Variants in IL1RL2 observed in about 807,000 individuals in gnomAD.
The protein encoded by IL1RL2 is interleukin 1 receptor like 2.
In IL1RL2, 68 loss-of-function variants were observed where a neutral mutation model predicts 66.8. That is an observed-to-expected ratio of 1.02 (90% confidence interval 0.84 to 1.25). The LOEUF (loss-of-function observed/expected upper bound fraction) is 1.25, where lower values mean the gene tolerates loss of function less well. Ranked by LOEUF, IL1RL2 falls within the 50% of genes most tolerant of loss-of-function variation. IL1RL2 has a pLI of 0.00. For missense variants in IL1RL2, 729 were observed against 709.3 expected (o/e 1.03, Z -0.32); for synonymous variants, 305 against 264.6 (o/e 1.15, Z -1.48).
chr2:102,235,667 C>T (rs1338794587), intron 11 of IL1RL2: 11 of 985,188 alleles, frequency 1.1e-5, no homozygotes, highest in South Asian at 4.7e-5. Context: ...CCTGTGCTGT[C>T]GGGGGACCAC....
intron 5 of IL1RL2, among the ~76,000 whole-genome samples, chr2:102,206,151 G>C (rs943837322): frequency 2.6e-5 from 4 of 151,994 alleles, no homozygotes; most frequent in Admixed American, 2.6e-4. Flanking sequence ...CCTTTTCTAT[G>C]TTATCTTGAA....
intron 4 of IL1RL2, among the ~76,000 whole-genome samples, chr2:102,192,425 G>A (rs529655581): frequency 6.6e-5 from 10 of 152,040 alleles, no homozygotes; most frequent in African/African-American, 2.4e-4. Flanking sequence ...CATACTATGT[G>A]CACATGGTTC....
intron 6 of IL1RL2, among the ~76,000 whole-genome samples, chr2:102,214,767 G>T (rs1166466903): frequency 6.6e-6 from 1 of 152,124 alleles, no homozygotes; most frequent in African/African-American, 2.4e-5. Context: ...CCATTTCCTT[G>T]TAAGTATTAA....
At chr2:102,202,807 A>G (rs1688377999) in intron 5 of IL1RL2, among the ~76,000 whole-genome samples, 1 of 152,196 alleles carries the variant, frequency 6.6e-6, no homozygotes, top group South Asian at 2.1e-4. Context: ...CCCAAATATA[A>G]GATCATATCA....
intron 5 of IL1RL2, among the ~76,000 whole-genome samples, chr2:102,204,937 C>T (rs565215027): frequency 3.7e-4 from 56 of 151,828 alleles, no homozygotes; most frequent in Non-Finnish European, 5.9e-4. Context: ...TCCTTTCTTT[C>T]CTTCCTGTCT....
At chr2:102,187,142 A>G (rs1305679872) in intron 1 of IL1RL2, 56 bp downstream of exon 1, 1 of 1,277,778 alleles carries the variant, frequency 7.8e-7, no homozygotes, top group Non-Finnish European at 1.0e-6. Context: ...CCCTGACAGT[A>G]GGAGAGGTGT....
At chr2:102,196,634 C>G (rs2104739068) in intron 4 of IL1RL2, among the ~76,000 whole-genome samples, 1 of 152,246 alleles carries the variant, frequency 6.6e-6, no homozygotes, top group Admixed American at 6.5e-5. Context: ...AGAGCAGACC[C>G]TGGGAATGTC....
At chr2:102,200,009 A>C (rs1445565540) in intron 4 of IL1RL2, among the ~76,000 whole-genome samples, 1 of 151,630 alleles carries the variant, frequency 6.6e-6, no homozygotes, top group Non-Finnish European at 1.5e-5. Flanking sequence ...AAAAACAAAA[A>C]ATTGGGGTGT....
chr2:102,231,238 A>G (rs928849576), intron 9 of IL1RL2, among the ~76,000 whole-genome samples: 1 of 152,150 alleles, frequency 6.6e-6, no homozygotes, highest in African/African-American at 2.4e-5. Flanking sequence ...ACTGTTTACC[A>G]TCCACTCTTA....
chr2:102,191,332 T>G (rs1687214263), intron 3 of IL1RL2, among the ~76,000 whole-genome samples: 1 of 152,208 alleles, frequency 6.6e-6, no homozygotes, highest in Non-Finnish European at 1.5e-5. Context: ...TCAGGAAACT[T>G]AAACATCATA....
At chr2:102,226,138 G>A (rs898100503) in intron 9 of IL1RL2, 97 bp downstream of exon 9, 14 of 1,057,608 alleles carry the variant, frequency 1.3e-5, no homozygotes, top group Middle Eastern at 2.3e-4. Flanking sequence ...TTACTACGTT[G>A]TTGGCAAATT....
At position 102,212,139 on chromosome 2, in the gene IL1RL2, T is replaced by A; in HGVS notation, c.689T>A (p.Ile230Asn). The A allele has an allele frequency of 6.2e-7, 1 of 1,613,518 alleles. No individual in the cohort carries two copies. Among genetic ancestry groups the A allele is most frequent in the Non-Finnish European group, 8.5e-7 (1 of 1,179,502 alleles). Residue 230 changes from isoleucine (I) to asparagine (N), a missense_variant, in exon 6 of 12, where the codon ATT becomes AAT. Ile to Asn is a moderately radical substitution (Grantham distance 149). Transcript: ENST00000264257. ...AGYGGSVPKI[I>N]YPKNHSIEVQ... ...TATGGAGGAAGTGTCCCTAAAATCA[T>A]TTATCCAAAAAATCATTCAATTGAA...
intron 2 of IL1RL2, 134 bp downstream of exon 2, chr2:102,188,059 C>A: frequency 1.2e-6 from 1 of 805,538 alleles, no homozygotes; most frequent in Non-Finnish European, 2.1e-6. Context: ...GGCGGAGTTC[C>A]GCGGAAGAGG....
intron 9 of IL1RL2, among the ~76,000 whole-genome samples, chr2:102,231,095 A>G (rs542998851): frequency 6.6e-6 from 1 of 152,338 alleles, no homozygotes; most frequent in East Asian, 1.9e-4. Flanking sequence ...CGCGTTTTCC[A>G]ATGAGACGCC....
At position 102,239,364 on chromosome 2, in the gene IL1RL2, C is replaced by A; in HGVS notation, c.*123C>A. On this transcript the variant is annotated 3_prime_UTR_variant, in exon 12 of 12. Transcript: ENST00000264257. Reference sequence around the variant, plus strand: ...TTAGCATTCTAGACACCCAGTTGAGCTCAGGCGTAGAGAAGAGGAGGATGG... The same window carrying A: ...TTAGCATTCTAGACACCCAGTTGAGATCAGGCGTAGAGAAGAGGAGGATGG... 1 of 893,964 alleles carries A rather than the reference C, an allele frequency of 1.1e-6. No homozygotes were observed. Among genetic ancestry groups the A allele is most frequent in the Non-Finnish European group, 1.9e-6 (1 of 540,292 alleles). 55.4% of individuals were successfully genotyped at this position (893,964 alleles called of 1,614,324 possible).
chr2:102,242,274 A>G (rs1675249785), downstream of IL1RL2, among the ~76,000 whole-genome samples: 1 of 152,220 alleles, frequency 6.6e-6, no homozygotes, highest in Non-Finnish European at 1.5e-5. Context: ...TGGTGTATAT[A>G]TGAATATTCA....
intron 5 of IL1RL2, among the ~76,000 whole-genome samples, chr2:102,202,286 CTAATT>C (rs770360637): frequency 3.0e-4 from 45 of 151,792 alleles, no homozygotes; most frequent in Non-Finnish European, 4.4e-4. Flanking sequence ...GCTCAAGCCA[CTAATT>C]TAATTTAATT....
chr2:102,232,158 C>T lies in IL1RL2; in HGVS notation c.1136-805C>T, dbSNP rs1033833912. On this transcript the variant is annotated intron_variant, in intron 9 of 11. Coordinates refer to ENST00000264257, the MANE Select transcript of IL1RL2 (RefSeq NM_003854.4). ...CAGAGTTTTGCTCTTGTTGCCCAGG[C>T]TGGAGTGCAATGGTGTGATCTCGGC... 4.7e-5 allele frequency among the ~76,000 whole-genome samples: 7 copies of T among 150,258 alleles called. No homozygotes were observed. In the South Asian group the frequency reaches 1.5e-3, roughly 31 times the overall value.
chr2:102,224,361 G>A (rs1007794511), intron 8 of IL1RL2, among the ~76,000 whole-genome samples: 5 of 152,184 alleles, frequency 3.3e-5, no homozygotes, highest in African/African-American at 1.2e-4. Context: ...TTCTGTCATA[G>A]ATGTACAATG....
Sources: gnomAD v4.1 joint callset for allele counts (sites outside exome capture counted in the v4.1 genomes callset) on GRCh38, gnomAD v4.1.1 for gene constraint, MANE v1.5 for transcripts, NCBI Gene and HGNC (gene_info 2026-07-23, HGNC 2026-07-21) for gene names.